SGK1: variants seen among roughly 807,000 people sequenced by gnomAD.
SGK1 encodes the protein serine/threonine-protein kinase Sgk1.
SGK1 carries 26 observed loss-of-function variants against 64.2 expected under a neutral mutation model. The ratio of observed to expected loss-of-function variants is 0.40; its 90% CI spans 0.30 to 0.56. The LOEUF is 0.56. SGK1 is among the 20% of genes least tolerant of loss of function. The probability of loss-of-function intolerance (pLI) is 0.38; values close to 1 mark genes in which losing one functional copy is unlikely to be tolerated. For missense variants in SGK1, 519 were observed against 645.6 expected (o/e 0.80, Z 2.12); for synonymous variants, 265 against 239.7 (o/e 1.11, Z -0.98).
chr6:134,230,229 G>A lies in SGK1; in HGVS notation c.286-22798C>T, dbSNP rs765673978. Among the ~76,000 whole-genome samples the A allele has an allele frequency of 2.0e-5, 3 of 152,300 alleles. No individual in the cohort carries two copies. The South Asian group carries it at 6.2e-4, about 32-fold the overall frequency. ...GAGCCGCACACGGCACCTCACACCT[G>A]TAATTCCAGCATTTTGGGAGGCTGA... On this transcript the variant is annotated intron_variant, in intron 2 of 13. Coordinates refer to ENST00000367858, the MANE Select transcript of SGK1 (RefSeq NM_001143676.3).
At position 134,171,022 on chromosome 6, in the gene SGK1, CG is replaced by C; in HGVS notation, c.1323del (p.Phe441LeufsTer12). ...RTKRLGAKDDFMEIKSHVFFS... is the reference protein window; with the variant it reads ...RTKRLGAKDDXMEIKSHVFFS... ...CAGGAGGACAGGAAAACATCACTCACGAAGTCATCCTTGGCCCCGAGCCGCT... is the reference window on the plus strand; with the variant it reads ...CAGGAGGACAGGAAAACATCACTCACAAGTCATCCTTGGCCCCGAGCCGCT... On this transcript the variant is annotated frameshift_variant and splice_region_variant, in exon 12 of 14. Transcript: ENST00000367858. LOFTEE classifies it high-confidence loss of function. 1 of 1,614,034 alleles carries C rather than the reference CG, an allele frequency of 6.2e-7. No homozygotes were observed. Among genetic ancestry groups the C allele is most frequent in the Non-Finnish European group, 8.5e-7 (1 of 1,179,946 alleles).
chr6:134,265,482 AAC>A (rs939147588), intron 1 of SGK1, among the ~76,000 whole-genome samples: 4 of 148,680 alleles, frequency 2.7e-5, no homozygotes, highest in African/African-American at 9.9e-5. Flanking sequence ...CAAACAAACA[AAC>A]AAAAAAAATA....
At chr6:134,206,878 A>C (rs568357896) in intron 3 of SGK1, among the ~76,000 whole-genome samples, 102 of 106,612 alleles carry the variant, frequency 9.6e-4, no homozygotes, top group Non-Finnish European at 1.0e-3. Flanking sequence ...AGAAAAAAAA[A>C]AAAAACAAAA....
chr6:134,232,775 C>G (rs1006337055), intron 2 of SGK1, among the ~76,000 whole-genome samples: 4 of 151,602 alleles, frequency 2.6e-5, no homozygotes, highest in Non-Finnish European at 5.9e-5. Context: ...TTACTTGAAC[C>G]CGGGAGGCAG....
At chr6:134,228,769 C>A (rs1165810667) in intron 2 of SGK1, among the ~76,000 whole-genome samples, 2 of 152,036 alleles carry the variant, frequency 1.3e-5, no homozygotes, top group African/African-American at 2.4e-5. Flanking sequence ...TTTTAATGTA[C>A]CCCAAGATCC....
At chr6:134,190,387 G>A (rs1364922795) in intron 3 of SGK1, among the ~76,000 whole-genome samples, 1 of 151,068 alleles carries the variant, frequency 6.6e-6, no homozygotes, top group Non-Finnish European at 1.5e-5. Context: ...CTGGGTTCAA[G>A]TGATTCTCCT....
chr6:134,263,871 A>G (rs1207911589), intron 1 of SGK1, among the ~76,000 whole-genome samples: 1 of 152,142 alleles, frequency 6.6e-6, no homozygotes, highest in Non-Finnish European at 1.5e-5. Context: ...GGACCAGCCT[A>G]GCCAACATAG....
intron 2 of SGK1, among the ~76,000 whole-genome samples, chr6:134,218,437 C>CTTTTTTTTTTTTTTTTTTTTTTTTTT: frequency 7.7e-6 from 1 of 129,182 alleles, no homozygotes; most frequent in Non-Finnish European, 1.6e-5. Context: ...TTCTTTTTTT[C>CTTTTTTTTTTTTTTTTTTTTTTTTTT]TTTTTTTTTT....
intron 4 of SGK1, 151 bp downstream of exon 4, chr6:134,174,360 A>T (rs1442525305): frequency 3.1e-6 from 2 of 635,826 alleles, no homozygotes; most frequent in Admixed American, 5.9e-5. Context: ...TTTAATGTTT[A>T]AAATGTGTCA....
chr6:134,301,975 A>G (rs1468815314), intron 1 of SGK1, among the ~76,000 whole-genome samples: 2 of 152,232 alleles, frequency 1.3e-5, no homozygotes, highest in Non-Finnish European at 2.9e-5. Flanking sequence ...AGAGCTTGAT[A>G]GTAAAGAAAA....
chr6:134,171,125 C>A lies in SGK1; in HGVS notation c.1221G>T (p.Lys407Asn). ...TAATATTTGGTTTCAGCTGGAGAGG[C>A]TTGTTCAGAATGTTGTCGTACATTT... ...TAEMYDNILN[K>N]PLQLKPNITN... Residue 407 changes from lysine (K) to asparagine (N), a missense_variant, in exon 12 of 14, where the codon AAG (lysine) becomes AAT (asparagine). Physicochemically the swap from Lys to Asn is moderately conservative, Grantham distance 94 (BLOSUM62 0). This residue lies in a region of SGK1 where 278 missense variants were observed against 408.7 expected (regional missense o/e 0.68). Transcript: ENST00000367858. 6.2e-7 allele frequency: 1 copy of A among 1,614,092 alleles called. No individual in the cohort carries two copies. The highest frequency in any genetic ancestry group is 1.3e-5 in the African/African-American group (1 of 75,006).
intron 1 of SGK1, among the ~76,000 whole-genome samples, chr6:134,274,775 A>G (rs1776994744): frequency 6.7e-6 from 1 of 149,870 alleles, no homozygotes; most frequent in Admixed American, 6.7e-5. Flanking sequence ...CTTAAATGGT[A>G]TTGCCCTTTT....
At chr6:134,265,553 T>G (rs532497992) in intron 1 of SGK1, among the ~76,000 whole-genome samples, 5 of 146,506 alleles carry the variant, frequency 3.4e-5, no homozygotes, top group African/African-American at 1.2e-4. Context: ...CATATATATT[T>G]TATATATATA....
intron 2 of SGK1, among the ~76,000 whole-genome samples, chr6:134,248,447 T>G (rs1776558288): frequency 1.8e-5 from 1 of 56,940 alleles, no homozygotes; most frequent in Non-Finnish European, 3.1e-5. Flanking sequence ...TCCTCCGCCT[T>G]TTTTTTTTTT....
chr6:134,217,446 G>A (rs552253058), intron 2 of SGK1, among the ~76,000 whole-genome samples: 4 of 152,216 alleles, frequency 2.6e-5, no homozygotes, highest in African/African-American at 9.6e-5. Context: ...CTGACCCACC[G>A]GACCACTACT....
At position 134,174,702 on chromosome 6, in the gene SGK1, G is replaced by A. The variant is rs779320011; in HGVS notation, c.362-116C>T. ...AAATTTCCACTTTGCGTCTCCTGGAGCAGAAGTCCCGCAAGATTCCTGCAC... is the reference window on the plus strand; with the variant it reads ...AAATTTCCACTTTGCGTCTCCTGGAACAGAAGTCCCGCAAGATTCCTGCAC... On this transcript the variant is annotated intron_variant, in intron 3 of 13. Coordinates refer to ENST00000367858, the MANE Select transcript of SGK1 (RefSeq NM_001143676.3). 5.0e-6 allele frequency: 8 copies of A among 1,613,890 alleles called. No individual in the cohort carries two copies. The Middle Eastern group carries it at 1.2e-3, about 233-fold the overall frequency.
intron 3 of SGK1, among the ~76,000 whole-genome samples, chr6:134,191,028 G>A (rs1775501594): frequency 6.6e-6 from 1 of 152,168 alleles, no homozygotes; most frequent in Non-Finnish European, 1.5e-5. Flanking sequence ...CTCACAAAGA[G>A]ACTGGGTAAA....
chr6:134,232,102 G>C lies in SGK1; in HGVS notation c.286-24671C>G, dbSNP rs568905273. ...TATTAAGTTAAATAAAAGAAATCACGATAGAGCTGGGCACGGTGGCTCACG... is the reference window on the plus strand; with the variant it reads ...TATTAAGTTAAATAAAAGAAATCACCATAGAGCTGGGCACGGTGGCTCACG... On this transcript the variant is annotated intron_variant, in intron 2 of 13. Transcript: ENST00000367858. Among the ~76,000 whole-genome samples, 14 of 150,632 alleles carry C rather than the reference G, an allele frequency of 9.3e-5. No individual in the cohort carries two copies. In the South Asian group the frequency reaches 2.9e-3, roughly 32 times the overall value.
At chr6:134,284,786 T>C (rs1777156053) in intron 1 of SGK1, among the ~76,000 whole-genome samples, 1 of 152,072 alleles carries the variant, frequency 6.6e-6, no homozygotes, top group Non-Finnish European at 1.5e-5. Flanking sequence ...ACCCAGCCAA[T>C]ATTTGGTTTT....
Sources: allele counts gnomAD v4.1 joint callset (sites outside exome capture counted in the v4.1 genomes callset), GRCh38; gene constraint gnomAD v4.1.1; regional missense constraint gnomAD v4.1.1; transcripts MANE v1.5; gene names NCBI Gene and HGNC (gene_info 2026-07-23, HGNC 2026-07-21).